Variants in NCALD observed in about 807,000 individuals in gnomAD.
NCALD encodes the protein neurocalcin-delta.
Under a neutral mutation model 18.6 loss-of-function variants are expected in NCALD, and 10 were observed. The observed-to-expected ratio is 0.54, with a 90% CI of 0.33 to 0.91. NCALD has a LOEUF of 0.91. NCALD is among the 40% of genes least tolerant of loss of function. The pLI, the probability that NCALD is intolerant of heterozygous loss-of-function variation, is 0.03. For missense variants in NCALD, 184 were observed against 247.6 expected (o/e 0.74, Z 1.72); for synonymous variants, 88 against 87.4 (o/e 1.01, Z -0.04).
At chr8:101,999,252 C>A (rs1436084295) in intron 2 of NCALD, among the ~76,000 whole-genome samples, 1 of 151,852 alleles carries the variant, frequency 6.6e-6, no homozygotes, top group Non-Finnish European at 1.5e-5. Context: ...TAGAACCAGC[C>A]CAAATGCCCA....
At chr8:102,020,743 T>G (rs1457277398) in intron 1 of NCALD, among the ~76,000 whole-genome samples, 1 of 152,204 alleles carries the variant, frequency 6.6e-6, no homozygotes, top group Non-Finnish European at 1.5e-5. Flanking sequence ...TTCTCTTCCC[T>G]GTGGATAAAA....
intron 2 of NCALD, among the ~76,000 whole-genome samples, chr8:101,999,653 C>G (rs757301255): frequency 6.6e-6 from 1 of 151,008 alleles, no homozygotes; most frequent in Non-Finnish European, 1.5e-5. Flanking sequence ...CCTGTTCCCC[C>G]AAAACCTATT....
intron 1 of NCALD, among the ~76,000 whole-genome samples, chr8:102,084,044 T>A (rs964726471): frequency 8.5e-5 from 13 of 152,206 alleles, no homozygotes; most frequent in Non-Finnish European, 1.6e-4. Flanking sequence ...GTGCCAACAT[T>A]TACACAGTGC....
At chr8:102,059,799 T>G (rs1467238689) in intron 1 of NCALD, among the ~76,000 whole-genome samples, 1 of 152,172 alleles carries the variant, frequency 6.6e-6, no homozygotes, top group African/African-American at 2.4e-5. Context: ...TGACAGATTT[T>G]GGGGTTCTTG....
At chr8:101,965,158 T>C (rs901779830) in intron 2 of NCALD, among the ~76,000 whole-genome samples, 14 of 152,148 alleles carry the variant, frequency 9.2e-5, no homozygotes, top group African/African-American at 3.4e-4. Flanking sequence ...ACTTTTACAG[T>C]GTTGGTGGGA....
At chr8:101,712,130 T>C (rs887185777) in intron 2 of NCALD, among the ~76,000 whole-genome samples, 2 of 152,190 alleles carry the variant, frequency 1.3e-5, no homozygotes, top group African/African-American at 4.8e-5. Context: ...AAGAAAAGAA[T>C]TTTCAGCCCA....
intron 1 of NCALD, among the ~76,000 whole-genome samples, chr8:102,070,615 T>C (rs967858326): frequency 1.3e-5 from 2 of 152,250 alleles, no homozygotes; most frequent in East Asian, 3.8e-4. Context: ...AAAGAAACAA[T>C]GGAATTACCT....
intron 1 of NCALD, among the ~76,000 whole-genome samples, chr8:102,058,223 C>T (rs1361023491): frequency 1.3e-5 from 2 of 152,204 alleles, no homozygotes; most frequent in Admixed American, 1.3e-4. Flanking sequence ...CTGTGTCCAT[C>T]CTGAATGCAC....
chr8:102,061,089 A>T (rs1823834450), intron 1 of NCALD, among the ~76,000 whole-genome samples: 1 of 152,214 alleles, frequency 6.6e-6, no homozygotes, highest in Admixed American at 6.5e-5. Flanking sequence ...CCTAAAAGTG[A>T]AAACTCAGTG....
At chr8:101,962,927 A>G (rs1437808622) in intron 2 of NCALD, among the ~76,000 whole-genome samples, 2 of 152,114 alleles carry the variant, frequency 1.3e-5, no homozygotes, top group African/African-American at 2.4e-5. Flanking sequence ...AAAACAAACA[A>G]AAAAAACAAA....
intron 1 of NCALD, among the ~76,000 whole-genome samples, chr8:102,038,726 G>A (rs1233273295): frequency 6.6e-6 from 1 of 152,116 alleles, no homozygotes; most frequent in African/African-American, 2.4e-5. Context: ...CACAAGCACA[G>A]TGGGCAGAAT....
At chr8:101,741,936 CAAA>C (rs71278804) in intron 1 of NCALD, among the ~76,000 whole-genome samples, 2 of 76,158 alleles carry the variant, frequency 2.6e-5, no homozygotes, top group African/African-American at 9.2e-5. Context: ...AAGCCTGTCT[CAAA>C]AAAAAAAAAA....
At chr8:101,951,704 A>C (rs1446600161) in intron 2 of NCALD, among the ~76,000 whole-genome samples, 1 of 152,234 alleles carries the variant, frequency 6.6e-6, no homozygotes, top group Non-Finnish European at 1.5e-5. Flanking sequence ...AATGGTCTTA[A>C]GTCATTCAAC....
chr8:101,966,236 A>G (rs1346004050), intron 2 of NCALD, among the ~76,000 whole-genome samples: 1 of 152,118 alleles, frequency 6.6e-6, no homozygotes, highest in East Asian at 1.9e-4. Flanking sequence ...TCAAGTTGGC[A>G]AAGCTTTTTT....
At chr8:101,793,660 A>G (rs528804021), upstream of NCALD, among the ~76,000 whole-genome samples, 59 of 152,208 alleles carry the variant, frequency 3.9e-4, no homozygotes, top group Non-Finnish European at 6.2e-4. Context: ...GCTTTCTCCA[A>G]TCACAGCCCA....
chr8:101,761,291 A>C (rs377576760), intron 1 of NCALD, among the ~76,000 whole-genome samples: 1 of 152,222 alleles, frequency 6.6e-6, no homozygotes, highest in African/African-American at 2.4e-5. Flanking sequence ...GGGTGCTTTA[A>C]CGAGGCATCC....
At chr8:102,005,221 T>C (rs1344379721) in intron 2 of NCALD, among the ~76,000 whole-genome samples, 1 of 152,178 alleles carries the variant, frequency 6.6e-6, no homozygotes, top group Non-Finnish European at 1.5e-5. Flanking sequence ...GCGAAGGATA[T>C]GAACAGACAA....
chr8:101,843,764 T>C (rs1412122875), intron 4 of NCALD, among the ~76,000 whole-genome samples: 1 of 152,056 alleles, frequency 6.6e-6, no homozygotes, highest in Non-Finnish European at 1.5e-5. Flanking sequence ...GTATTTTCTG[T>C]AGAGATGGGC....
chr8:101,692,262 T>A (rs994824058), intron 3 of NCALD: 2 of 985,386 alleles, frequency 2.0e-6, no homozygotes, highest in Non-Finnish European at 1.2e-6. Flanking sequence ...GGCACCTTAC[T>A]CCCTCACCAC....
Sources: gnomAD v4.1 joint callset for allele counts (sites outside exome capture counted in the v4.1 genomes callset) on GRCh38, gnomAD v4.1.1 for gene constraint, MANE v1.5 for transcripts, NCBI Gene and HGNC (gene_info 2026-07-23, HGNC 2026-07-21) for gene names.